PODXL2: variants seen among roughly 807,000 people sequenced by gnomAD.
The protein encoded by PODXL2 is podocalyxin-like protein 2.
A neutral mutation model predicts 53.4 loss-of-function variants in PODXL2; 17 were observed. That is an observed-to-expected ratio of 0.32 (90% CI 0.22 to 0.48). The LOEUF is 0.48. PODXL2 is among the 20% of genes least tolerant of loss of function. The pLI is 0.99. For missense variants in PODXL2, 673 were observed against 760.0 expected (o/e 0.89, Z 1.35); for synonymous variants, 311 against 306.7 (o/e 1.01, Z -0.15).
chr3:127,667,807 C>T (rs1181834705), intron 4 of PODXL2, among the ~76,000 whole-genome samples: 1 of 152,208 alleles, frequency 6.6e-6, no homozygotes, highest in African/African-American at 2.4e-5. Context: ...TCTGTGTTTG[C>T]TCTTCTGGCC....
At chr3:127,667,453 A>T (rs1260487509) in intron 4 of PODXL2, among the ~76,000 whole-genome samples, 1 of 152,200 alleles carries the variant, frequency 6.6e-6, no homozygotes, top group Admixed American at 6.5e-5. Flanking sequence ...CGAGCAGGGA[A>T]TGTGTGACTG....
At chr3:127,656,220 A>G (rs1056101565) in intron 2 of PODXL2, among the ~76,000 whole-genome samples, 4 of 152,248 alleles carry the variant, frequency 2.6e-5, no homozygotes, top group Admixed American at 6.5e-5. Context: ...TATCAGAACT[A>G]TATCCAAAGC....
chr3:127,647,324 TAA>T (rs2074662708), intron 2 of PODXL2, among the ~76,000 whole-genome samples: 1 of 152,200 alleles, frequency 6.6e-6, no homozygotes, highest in Admixed American at 6.5e-5. Flanking sequence ...GCACAATTGT[TAA>T]TGATTAGGAG....
At chr3:127,644,590 C>T (rs540394974) in intron 2 of PODXL2, among the ~76,000 whole-genome samples, 1 of 152,204 alleles carries the variant, frequency 6.6e-6, no homozygotes, top group Non-Finnish European at 1.5e-5. Flanking sequence ...TGTCCTCCCC[C>T]CTCCCCAGGG....
intron 5 of PODXL2, 42 bp from the exon 6 acceptor site, chr3:127,669,099 T>C (rs2074814232): frequency 3.5e-6 from 5 of 1,447,316 alleles, no homozygotes; most frequent in Non-Finnish European, 4.8e-6. Flanking sequence ...GGCACGCACC[T>C]CAGCCATGGT....
chr3:127,670,139 T>C (rs924753079), intron 6 of PODXL2, among the ~76,000 whole-genome samples: 5 of 152,132 alleles, frequency 3.3e-5, no homozygotes, highest in Admixed American at 1.3e-4. Context: ...CAAGGCTCTC[T>C]CCCTCAGTCC....
intron 4 of PODXL2, among the ~76,000 whole-genome samples, chr3:127,668,099 TGC>T (rs1345862380): frequency 2.1e-3 from 215 of 101,060 alleles, no homozygotes; most frequent in African/African-American, 7.7e-3. Flanking sequence ...TGTACATGGC[TGC>T]GTGTGTGTGT....
In PODXL2 at chr3:127,672,286, C is replaced by T. The variant is rs1205414414; in HGVS notation, c.1624C>T (p.Arg542Cys). 6.5e-7 allele frequency: 1 copy of T among 1,545,818 alleles called. No homozygotes were observed. The highest frequency in any genetic ancestry group is 2.4e-5 in the East Asian group (1 of 40,976). Residue 542 changes from arginine (R) to cysteine (C), a missense_variant, in exon 8 of 8, where the codon CGC becomes TGC. Transcript: ENST00000342480. ...GCCTCAGTCGCACGGCGAGGAGCTGCGCTTCGTGGAGAACGGCTGCCACGA... is the reference window on the plus strand; with the variant it reads ...GCCTCAGTCGCACGGCGAGGAGCTGTGCTTCGTGGAGAACGGCTGCCACGA... Reference protein sequence around the residue: ...LKHVSHGEELRFVENGCHDNP... With the variant: ...LKHVSHGEELCFVENGCHDNP...
chr3:127,668,721 G>A, intron 5 of PODXL2, 124 bp downstream of exon 5: 1 of 955,134 alleles, frequency 1.0e-6, no homozygotes, highest in Non-Finnish European at 1.5e-6. Context: ...ACAGTAGTTT[G>A]AGCTACTTAG....
rs1317880894 is a variant in PODXL2, at chr3:127,666,358, ACTT to A, written c.1207-2079_1207-2077del. On this transcript the variant is annotated intron_variant, in intron 4 of 7. Transcript: ENST00000342480. ...TAGGGAAACTGAGGCTCAGAGAGGT[ACTT>A]CTTTTTTTTTTTTTTTGCTGACATC... Among the ~76,000 whole-genome samples the A allele has an allele frequency of 6.2e-3, 772 of 124,288 alleles. 6 individuals carry two copies. Among genetic ancestry groups the A allele is most frequent in the African/African-American group, 0.02 (699 of 34,154 alleles). The allele number at this position is 124,288 out of a possible 152,430, so 81.5% of individuals were successfully genotyped here.
chr3:127,643,846 C>T (rs1236172379), intron 2 of PODXL2, among the ~76,000 whole-genome samples: 2 of 151,818 alleles, frequency 1.3e-5, no homozygotes, highest in Non-Finnish European at 2.9e-5. Flanking sequence ...GCCATGTTTC[C>T]CAGGCTGGTC....
chr3:127,663,247 A>G (rs1005826329), intron 4 of PODXL2, among the ~76,000 whole-genome samples: 1 of 152,198 alleles, frequency 6.6e-6, no homozygotes. Flanking sequence ...AAAGGTAACC[A>G]GGGCCCCTAT....
chr3:127,671,764 C>T (rs1032722741), intron 7 of PODXL2, 151 bp downstream of exon 7: 37 of 739,708 alleles, frequency 5.0e-5, no homozygotes, highest in Admixed American at 1.5e-4. Context: ...GCTGACTGCT[C>T]TGCAGGGCAC....
intron 2 of PODXL2, among the ~76,000 whole-genome samples, chr3:127,653,772 C>T (rs1017636765): frequency 2.0e-5 from 3 of 152,332 alleles, no homozygotes; most frequent in Admixed American, 6.5e-5. Flanking sequence ...ACCCCTTGCT[C>T]GGACTCCCCC....
intron 2 of PODXL2, among the ~76,000 whole-genome samples, chr3:127,657,314 T>C (rs1216697103): frequency 6.6e-6 from 1 of 152,220 alleles, no homozygotes; most frequent in Non-Finnish European, 1.5e-5. Context: ...GGGATTCTGC[T>C]GATGGGTGTG....
intron 6 of PODXL2, among the ~76,000 whole-genome samples, chr3:127,670,526 G>GA (rs2074825934): frequency 6.6e-6 from 1 of 152,230 alleles, no homozygotes; most frequent in Non-Finnish European, 1.5e-5. Context: ...CAAAAGTCAT[G>GA]CTGGGTCTTT....
rs189215850 is a variant in PODXL2, at chr3:127,653,515, G to A, written c.350-6863G>A. Among the ~76,000 whole-genome samples, 566 of 152,218 alleles carry A rather than the reference G, an allele frequency of 3.7e-3. 6 individuals are homozygous for A. Among genetic ancestry groups the A allele is most frequent in the South Asian group, 0.019 (92 of 4,822 alleles). On this transcript the variant is annotated intron_variant, in intron 2 of 7. Coordinates refer to ENST00000342480, the MANE Select transcript of PODXL2 (RefSeq NM_015720.4). ...CAAAAAATTAGCTGGGCGTGGTGGC[G>A]TGTGCCTATAGTCCCAGCTACTCAG...
intron 2 of PODXL2, among the ~76,000 whole-genome samples, chr3:127,650,859 C>G (rs2074684239): frequency 2.0e-5 from 3 of 152,040 alleles, no homozygotes. Flanking sequence ...CGGGGTTTCA[C>G]CGTTTTAGCC....
intron 2 of PODXL2, among the ~76,000 whole-genome samples, chr3:127,656,270 A>G (rs910655338): frequency 6.6e-6 from 1 of 152,248 alleles, no homozygotes. Flanking sequence ...GAAATCATAT[A>G]TACCATCATC....
Sources: allele counts gnomAD v4.1 joint callset (sites outside exome capture counted in the v4.1 genomes callset), GRCh38; gene constraint gnomAD v4.1.1; transcripts MANE v1.5; gene names NCBI Gene and HGNC (gene_info 2026-07-23, HGNC 2026-07-21).